CRIM1: variants seen among roughly 807,000 people sequenced by gnomAD.
CRIM1 encodes the protein cysteine-rich motor neuron 1 protein.
CRIM1 carries 32 observed loss-of-function variants against 116.4 expected under a neutral mutation model. The ratio of observed to expected loss-of-function variants is 0.27; its 90% CI spans 0.21 to 0.37. The LOEUF is 0.37. CRIM1 is among the 10% of genes least tolerant of loss of function. CRIM1 has a pLI of 1.00. For synonymous variants in CRIM1, 590 were observed against 509.2 expected, an observed-to-expected ratio of 1.16 and a Z score of -2.13; for missense variants, 1,331 against 1,354.8, an observed-to-expected ratio of 0.98 and a Z score of 0.28.
At chr2:36,431,330 C>G (rs1461334252) in intron 2 of CRIM1, among the ~76,000 whole-genome samples, 3 of 152,152 alleles carry the variant, frequency 2.0e-5, no homozygotes, top group Non-Finnish European at 4.4e-5. Flanking sequence ...TATTCTTTTA[C>G]TCTCCAAGGC....
intron 7 of CRIM1, among the ~76,000 whole-genome samples, chr2:36,492,538 A>G (rs1232427337): frequency 1.3e-5 from 2 of 151,736 alleles, no homozygotes; most frequent in Non-Finnish European, 2.9e-5. Flanking sequence ...GGAAAATTTC[A>G]TCTTCACTGT....
chr2:36,423,058 A>T (rs2124867972), intron 2 of CRIM1, among the ~76,000 whole-genome samples: 1 of 152,354 alleles, frequency 6.6e-6, no homozygotes, highest in South Asian at 2.1e-4. Flanking sequence ...TTACTTCCAT[A>T]CTAGAGTATT....
Position 36,356,671 on chromosome 2 carries a change from CCTCGGCGCTGGTTGTGCCGAACA to C in CRIM1, c.331+49_331+71del. 6.5e-7 allele frequency: 1 copy of C among 1,540,934 alleles called. No homozygotes were observed. Among genetic ancestry groups the C allele is most frequent in the Non-Finnish European group, 8.8e-7 (1 of 1,139,936 alleles). ...CCCTCCCACCTGGCCTGCGCCGCCC[CCTCGGCGCTGGTTGTGCCGAACA>C]AAGTTTGGGCGAGACTTTCTGGAGG... On this transcript the variant is annotated intron_variant, in intron 1 of 16. Transcript: ENST00000280527. This position sits in a 1 kb window ranked among gnomAD's most constrained non-coding sequence, Gnocchi z 4.3.
chr2:36,489,244 C>G (rs924092610), intron 7 of CRIM1, among the ~76,000 whole-genome samples: 2 of 152,096 alleles, frequency 1.3e-5, no homozygotes, highest in Non-Finnish European at 2.9e-5. Flanking sequence ...GACAGGAGAT[C>G]ATGTTGTTTT....
chr2:36,544,544 T>TA, intron 15 of CRIM1, 46 bp downstream of exon 15: 1 of 1,311,772 alleles, frequency 7.6e-7, no homozygotes, highest in Non-Finnish European at 9.8e-7. Flanking sequence ...CTATGTGGTC[T>TA]ACTTAGGTGT....
chr2:36,406,169 CA>C lies in CRIM1; in HGVS notation c.505+9387del, dbSNP rs566626026. ...ACTGAAAATTAAATTATATGTTCTC[CA>C]AAAATATAATTGCTGTTTACTATGA... On this transcript the variant is annotated intron_variant, in intron 2 of 16. Transcript: ENST00000280527. Among the ~76,000 whole-genome samples, 19 of 152,150 alleles carry C rather than the reference CA, an allele frequency of 1.2e-4. No homozygotes were observed. The South Asian group carries it at 3.9e-3, about 32-fold the overall frequency.
chr2:36,371,628 A>G (rs1399503037), intron 1 of CRIM1, among the ~76,000 whole-genome samples: 3 of 152,226 alleles, frequency 2.0e-5, no homozygotes, highest in African/African-American at 7.2e-5. Context: ...ATTTTTTGTA[A>G]TGTTTCCATG....
intron 1 of CRIM1, among the ~76,000 whole-genome samples, chr2:36,373,732 A>G (rs1670103700): frequency 6.6e-6 from 1 of 152,200 alleles, no homozygotes; most frequent in Admixed American, 6.5e-5. Context: ...ATGTCATTAC[A>G]GTGGACAGCT....
At chr2:36,426,759 G>T (rs1053327539) in intron 2 of CRIM1, among the ~76,000 whole-genome samples, 1 of 152,060 alleles carries the variant, frequency 6.6e-6, no homozygotes, top group Non-Finnish European at 1.5e-5. Context: ...CTCCCACAAG[G>T]CTCCTTTTTT....
At chr2:36,523,643 A>G (rs1040776343) in intron 13 of CRIM1, among the ~76,000 whole-genome samples, 1 of 152,260 alleles carries the variant, frequency 6.6e-6, no homozygotes, top group Non-Finnish European at 1.5e-5. Flanking sequence ...TCAGAGTAGC[A>G]GATGAAAAAG....
chr2:36,390,910 A>G (rs111430300), intron 1 of CRIM1, among the ~76,000 whole-genome samples: 27,535 of 151,204 alleles, frequency 0.18, 2,759 homozygotes, highest in East Asian at 0.48. Context: ...CCCAGGTTCA[A>G]GCAATTCTCA....
intron 5 of CRIM1, among the ~76,000 whole-genome samples, chr2:36,475,880 T>G (rs1012017749): frequency 2.4e-4 from 37 of 152,332 alleles, no homozygotes; most frequent in African/African-American, 8.4e-4. Context: ...CGTATTAACA[T>G]TAATATTTTG....
chr2:36,497,754 T>C (rs1234577668), intron 7 of CRIM1, among the ~76,000 whole-genome samples: 1 of 152,250 alleles, frequency 6.6e-6, no homozygotes, highest in Non-Finnish European at 1.5e-5. Context: ...AGCATCTCTT[T>C]AGTAAGTCAT....
intron 2 of CRIM1, among the ~76,000 whole-genome samples, chr2:36,438,018 G>C (rs559878732): frequency 2.6e-4 from 39 of 152,006 alleles, no homozygotes; most frequent in African/African-American, 9.4e-4. Context: ...CGTAGTCCCA[G>C]CTACTCAGGA....
intron 1 of CRIM1, among the ~76,000 whole-genome samples, chr2:36,390,249 A>G (rs1572623366): frequency 6.6e-6 from 1 of 152,230 alleles, no homozygotes; most frequent in African/African-American, 2.4e-5. Context: ...ATTCTGCAAA[A>G]TCATTCATTA....
At position 36,550,043 on chromosome 2, in the gene CRIM1, G is replaced by GTATGTA. The variant is rs1016830874; in HGVS notation, c.*1343_*1344insATGTAT. On this transcript the variant is annotated 3_prime_UTR_variant, in exon 17 of 17. Transcript: ENST00000280527. ...AAGATGTGTGTGTGAGAGTATGTAT[G>GTATGTA]TGTGTGTGTGTGTGTGTGTGTGTGC... is the stretch of plus-strand genomic sequence containing the variant. 59 of 126,148 alleles carry GTATGTA rather than the reference G, an allele frequency of 4.7e-4. No individual in the cohort carries two copies. Among genetic ancestry groups the GTATGTA allele is most frequent in the African/African-American group, 1.9e-3 (56 of 28,742 alleles). 7.8% of individuals were successfully genotyped at this position (126,148 alleles called of 1,614,324 possible). A position where few individuals can be genotyped will look rare whatever the true frequency, so the allele number is the denominator to read the frequency against.
rs142409995 is a variant in CRIM1, at chr2:36,476,946, G to A, written c.1049G>A (p.Arg350Gln). 1,493 of 1,614,046 alleles carry A rather than the reference G, an allele frequency of 9.3e-4. 2 individuals are homozygous for A. Among genetic ancestry groups the A allele is most frequent in the Non-Finnish European group, 1.2e-3 (1,396 of 1,179,932 alleles). The change falls in exon 6 of 17, where the codon CGA (arginine) becomes CAA (glutamine). Residue 350 changes from arginine to glutamine, a missense_variant. This residue lies in a region of CRIM1 where 690 missense variants were observed against 676.0 expected (regional missense o/e 1.02). Transcript: ENST00000280527. ...GAATATTATGATGGAGACATGTTTC[G>A]AATGGACAACTGTCGGTTCTGTCGA... is the stretch of plus-strand genomic sequence containing the variant. ...NVEYYDGDMF[R>Q]MDNCRFCRCQ...
At chr2:36,448,460 C>G (rs996264498) in intron 4 of CRIM1, among the ~76,000 whole-genome samples, 7 of 152,188 alleles carry the variant, frequency 4.6e-5, no homozygotes, top group Admixed American at 1.3e-4. Context: ...GTGTTTGGAC[C>G]TAATTTTACA....
intron 7 of CRIM1, among the ~76,000 whole-genome samples, chr2:36,491,427 C>T (rs943684153): frequency 6.6e-6 from 1 of 152,100 alleles, no homozygotes; most frequent in African/African-American, 2.4e-5. Flanking sequence ...TTATTGTGTA[C>T]CTCCTATGTG....
Sources: allele counts gnomAD v4.1 joint callset (sites outside exome capture counted in the v4.1 genomes callset), GRCh38; gene constraint gnomAD v4.1.1; regional missense constraint gnomAD v4.1.1; non-coding constraint Gnocchi (gnomAD v3.1); transcripts MANE v1.5; gene names NCBI Gene and HGNC (gene_info 2026-07-23, HGNC 2026-07-21).